Variants in MROH2A observed in about 807,000 individuals in gnomAD.
The protein encoded by MROH2A is maestro heat-like repeat-containing protein family member 2A.
Under a neutral mutation model 200.4 loss-of-function variants are expected in MROH2A, and 174 were observed. The observed-to-expected ratio is 0.87, with a 90% CI of 0.77 to 0.98. MROH2A has a LOEUF of 0.98. MROH2A is among the 50% of genes least tolerant of loss of function. The probability of loss-of-function intolerance (pLI) is 0.00; values close to 1 mark genes in which losing one functional copy is unlikely to be tolerated. For missense variants in MROH2A, 2,045 were observed against 2,139.6 expected, an observed-to-expected ratio of 0.96 and a Z score of 0.87; for synonymous variants, 829 against 840.4, an observed-to-expected ratio of 0.99 and a Z score of 0.23.
chr2:233,824,366 C>A (rs752233200), intron 35 of MROH2A, among the ~76,000 whole-genome samples: 21 of 152,198 alleles, frequency 1.4e-4, no homozygotes, highest in Non-Finnish European at 1.5e-5. Flanking sequence ...TACAAAAGCT[C>A]CTGGAAGTAC....
upstream of MROH2A, among the ~76,000 whole-genome samples, chr2:233,777,064 TG>T (rs1356083559): frequency 7.9e-5 from 12 of 152,366 alleles, no homozygotes; most frequent in Middle Eastern, 3.4e-3. Context: ...TAGTTGTGCT[TG>T]GCTGGACAGA....
chr2:233,823,601 G>A lies in MROH2A; in HGVS notation c.4050G>A (p.Glu1350=). Residue 1350 remains glutamate (E), a synonymous_variant, in exon 35 of 42, where the codon GAG becomes GAA. Transcript: ENST00000389758. ...HVEGHRQRLA[E]LVLRGMDSEV... ...AGGGCCACAGGCAGAGGCTGGCCGA[G>A]CTGGTGCTCAGGGGCATGGACTCAG... 1 of 1,550,446 alleles carries A rather than the reference G, an allele frequency of 6.4e-7. No individual in the cohort carries two copies. The highest frequency in any genetic ancestry group is 1.4e-5 in the African/African-American group (1 of 73,176).
chr2:233,793,693 A>T lies in MROH2A; in HGVS notation c.691A>T (p.Thr231Ser). 2.8e-6 allele frequency: 4 copies of T among 1,433,338 alleles called. No homozygotes were observed. The highest frequency in any genetic ancestry group is 3.7e-6 in the Non-Finnish European group (4 of 1,088,718). 88.8% of individuals were successfully genotyped at this position (1,433,338 alleles called of 1,614,324 possible). The change falls in exon 7 of 42, where the codon ACG (threonine) becomes TCG (serine). Residue 231 changes from threonine (T) to serine (S), a missense_variant. This residue lies in a region of MROH2A where 831 missense variants were observed against 800.0 expected (regional missense o/e 1.04). Transcript: ENST00000389758. ...GGTAGCCATGGAGACCTTCTGTGAG[A>T]CGGTGCAGTTTTATCTGAAGCACCT... ...ICSAMETFCE[T>S]VQFYLKHLEE...
intron 19 of MROH2A, 150 bp downstream of exon 19, chr2:233,805,261 G>A (rs1407618259): frequency 1.9e-6 from 1 of 531,466 alleles, no homozygotes; most frequent in Middle Eastern, 3.6e-4. Flanking sequence ...TGGATTGGTG[G>A]TTTTAGTTTT....
At chr2:233,789,705 C>T in intron 4 of MROH2A, 77 bp downstream of exon 4, 2 of 1,434,118 alleles carry the variant, frequency 1.4e-6, no homozygotes, top group Non-Finnish European at 1.8e-6. Context: ...GCCCAGGATG[C>T]CCACAGCCCT....
In MROH2A at chr2:233,782,701, T is replaced by G. The variant is rs566512744; in HGVS notation, c.276+2849T>G. On this transcript the variant is annotated intron_variant, in intron 3 of 41. Coordinates refer to ENST00000389758, the MANE Select transcript of MROH2A (RefSeq NM_001394639.1). ...TCTTCCTTTCTATTTTGTATGCCCT[T>G]TGTTTCTTTCTCTTGCCTAACTGCT... Among the ~76,000 whole-genome samples the G allele has an allele frequency of 3.9e-4, 59 of 152,318 alleles. 1 individual carries two copies. Among genetic ancestry groups the G allele is most frequent in the Middle Eastern group, 6.8e-3 (2 of 294 alleles).
At position 233,802,325 on chromosome 2, in the gene MROH2A, G is replaced by C. The variant is rs1301819849; in HGVS notation, c.1708+10G>C. 6.5e-7 allele frequency: 1 copy of C among 1,547,534 alleles called. No individual in the cohort carries two copies. The highest frequency in any genetic ancestry group is 8.7e-7 in the Non-Finnish European group (1 of 1,145,494). ...GGCAAGAGCAGGCAAGGTGGGCAAA[G>C]TTCCTGTCCAGCTGATTGGATTGGG... is the stretch of plus-strand genomic sequence containing the variant. On this transcript the variant is annotated intron_variant, in intron 15 of 41. Transcript: ENST00000389758.
Position 233,789,496 on chromosome 2 carries a change from G to A in MROH2A, c.277-1G>A. 7.0e-7 allele frequency: 1 copy of A among 1,418,570 alleles called. No individual in the cohort carries two copies. The highest frequency in any genetic ancestry group is 2.6e-5 in the East Asian group (1 of 37,922). 87.9% of individuals were successfully genotyped at this position (1,418,570 alleles called of 1,614,324 possible). A position where few individuals can be genotyped will look rare whatever the true frequency, so the allele number is the denominator to read the frequency against. On this transcript the variant is annotated splice_acceptor_variant, in intron 3 of 41. Transcript: ENST00000389758. LOFTEE classifies it high-confidence loss of function. ...TTCCACCCACCATACTTGTTTCCCA[G>A]ATTTCCACCCAGCGCAAGGTCAACA...
chr2:233,820,149 G>C lies in MROH2A; in HGVS notation c.3512+93G>C. The stretch of plus-strand genomic sequence containing the variant: ...ATGTGTCCCAGAAGCCTGGAGCCTT[G>C]GGCAGTACCCTGCCCCACCCTGAAG... On this transcript the variant is annotated intron_variant, in intron 31 of 41. Transcript: ENST00000389758. This position sits in a 1 kb window ranked among gnomAD's most constrained non-coding sequence, Gnocchi z 4.1. 1 of 1,214,570 alleles carries C rather than the reference G, an allele frequency of 8.2e-7. No individual in the cohort carries two copies. Among genetic ancestry groups the C allele is most frequent in the Non-Finnish European group, 1.1e-6 (1 of 910,132 alleles). 75.2% of individuals were successfully genotyped at this position (1,214,570 alleles called of 1,614,324 possible).
intron 15 of MROH2A, 77 bp downstream of exon 15, chr2:233,802,392 C>T: frequency 2.1e-6 from 3 of 1,443,706 alleles, no homozygotes; most frequent in Non-Finnish European, 2.8e-6. Flanking sequence ...CACCCCTCTC[C>T]ACATTCCTCC....
rs918621361 is a variant in MROH2A at position 233,803,537 on chromosome 2, G to T, written c.1749+49G>T. ...CCCTGGCCTGGCAAGGCCATGCCCT[G>T]TGGCACCTCTTCTTTAAACTCCTAA... On this transcript the variant is annotated intron_variant, in intron 16 of 41. Transcript: ENST00000389758. 5 of 1,543,038 alleles carry T rather than the reference G, an allele frequency of 3.2e-6. No homozygotes were observed. The Admixed American group carries it at 7.9e-5, about 24-fold the overall frequency.
chr2:233,776,812 G>A (rs1365893364), upstream of MROH2A, among the ~76,000 whole-genome samples: 1 of 152,152 alleles, frequency 6.6e-6, no homozygotes, highest in Non-Finnish European at 1.5e-5. Context: ...CCAGCCTGTG[G>A]GTCCTGGCTG....
intron 5 of MROH2A, among the ~76,000 whole-genome samples, chr2:233,792,034 G>A (rs555671032): frequency 1.1e-4 from 17 of 152,184 alleles, no homozygotes; most frequent in African/African-American, 1.2e-4. Context: ...TGCTGGCCTC[G>A]TGCCTTCTCT....
At chr2:233,825,230 A>G (rs1422440721) in intron 35 of MROH2A, among the ~76,000 whole-genome samples, 8 of 152,186 alleles carry the variant, frequency 5.3e-5, no homozygotes, top group Admixed American at 2.6e-4. Flanking sequence ...GGCTGAGACA[A>G]TGGGGTTTTC....
At chr2:233,821,803 A>G (rs1171045314) in intron 31 of MROH2A, among the ~76,000 whole-genome samples, 1 of 152,010 alleles carries the variant, frequency 6.6e-6, no homozygotes, top group Non-Finnish European at 1.5e-5. Flanking sequence ...ATTGGGCACT[A>G]GGAGGTATTG....
In MROH2A at chr2:233,828,700, C is replaced by G. The variant is rs868430856; in HGVS notation, c.4184C>G (p.Ala1395Gly). 2.6e-6 allele frequency: 4 copies of G among 1,550,580 alleles called. No individual in the cohort carries two copies. In the East Asian group the frequency reaches 9.8e-5, roughly 38 times the overall value. ...GCAGCTTTGCTGCTGGAGAAGGGTG[C>G]CGACCAGGAGGAAGACGAGGCCCTG... ...KPAALLLEKG[A>G]DQEEDEALRV... The change falls in exon 36 of 42, where the codon GCC becomes GGC. Residue 1395 changes from alanine (A) to glycine (G), a missense_variant. Transcript: ENST00000389758. The surrounding 1 kb of genome is among the most constrained non-coding windows in gnomAD (Gnocchi z 4.6).
rs990559352 is a variant in MROH2A at position 233,820,942 on chromosome 2, G to A, written c.3512+886G>A. 6.6e-6 allele frequency among the ~76,000 whole-genome samples: 1 copy of A among 152,154 alleles called. No individual in the cohort carries two copies. Among genetic ancestry groups the A allele is most frequent in the African/African-American group, 2.4e-5 (1 of 41,444 alleles). ...TGTCATGATTTAATGAGGCTCAGTG[G>A]CTCATGAGGCAGTGCTGGGTGGGGG... On this transcript the variant is annotated intron_variant, in intron 31 of 41. Coordinates refer to ENST00000389758, the MANE Select transcript of MROH2A (RefSeq NM_001394639.1). The surrounding 1 kb of genome is among the most constrained non-coding windows in gnomAD (Gnocchi z 4.1).
intron 29 of MROH2A, 150 bp downstream of exon 29, chr2:233,818,920 G>A (rs1703740847): frequency 1.6e-6 from 1 of 616,574 alleles, no homozygotes; most frequent in South Asian, 2.0e-5. Flanking sequence ...GCTGCCCTCT[G>A]TGTTGAAAGG....
rs906455890 is a variant in MROH2A, at chr2:233,804,987, G to T, written c.1945-17G>T. 5.3e-6 allele frequency: 8 copies of T among 1,517,342 alleles called. No homozygotes were observed. The highest frequency in any genetic ancestry group is 7.2e-6 in the Non-Finnish European group (8 of 1,117,724). 94.0% of individuals were successfully genotyped at this position (1,517,342 alleles called of 1,614,324 possible). A position where few individuals can be genotyped will look rare whatever the true frequency, so the allele number is the denominator to read the frequency against. ...AAGGCCTTTGGCCCTTCTCACCAAC[G>T]TCTTGTGCCTCCCCAGTTTCTGCGA... On this transcript the variant is annotated splice_polypyrimidine_tract_variant and intron_variant, in intron 18 of 41. Transcript: ENST00000389758.
Sources: allele counts gnomAD v4.1 joint callset (sites outside exome capture counted in the v4.1 genomes callset), GRCh38; gene constraint gnomAD v4.1.1; regional missense constraint gnomAD v4.1.1; non-coding constraint Gnocchi (gnomAD v3.1); transcripts MANE v1.5; gene names NCBI Gene and HGNC (gene_info 2026-07-23, HGNC 2026-07-21).